CDKN2B: variants seen among roughly 807,000 people sequenced by gnomAD.
CDKN2B encodes cyclin-dependent kinase 4 inhibitor B.
A neutral mutation model predicts 7.7 loss-of-function variants in CDKN2B; 8 were observed. The observed-to-expected ratio is 1.04, with a 90% confidence interval of 0.61 to 1.87. The LOEUF is 1.87. Among genes scored for constraint, CDKN2B ranks in the 40% most tolerant of loss-of-function variants. CDKN2B has a pLI of 0.00. For synonymous variants in CDKN2B, 93 were observed against 95.8 expected (o/e 0.97, Z 0.17); for missense variants, 244 against 213.1 (o/e 1.15, Z -0.90).
In CDKN2B at chr9:22,005,112, ATG is replaced by A. The variant is rs3028393; in HGVS notation, c.*873_*874del. 0.092 allele frequency: 20,613 copies of A among 224,096 alleles called. 650 individuals are homozygous for A. The highest frequency in any genetic ancestry group is 0.11 in the Middle Eastern group (85 of 770). The allele number at this position is 224,096 out of a possible 1,614,324, so 13.9% of individuals were successfully genotyped here. A position where few individuals can be genotyped will look rare whatever the true frequency, so the allele number is the denominator to read the frequency against. On this transcript the variant is annotated 3_prime_UTR_variant, in exon 2 of 2. Coordinates refer to ENST00000276925, the MANE Select transcript of CDKN2B (RefSeq NM_004936.4). The surrounding 1 kb of genome is among the most constrained non-coding windows in gnomAD (Gnocchi z 4.9). The stretch of plus-strand genomic sequence containing the variant: ...CATAAGGGGATTTCCGCATCCTAGC[ATG>A]TGTGTGTGTGTGTGTGTGTGTGTGT...
chr9:22,005,112 A>G lies in CDKN2B; in HGVS notation c.*875T>C, dbSNP rs906995153. On this transcript the variant is annotated 3_prime_UTR_variant, in exon 2 of 2. Coordinates refer to ENST00000276925, the MANE Select transcript of CDKN2B (RefSeq NM_004936.4). This position sits in a 1 kb window ranked among gnomAD's most constrained non-coding sequence, Gnocchi z 4.9. ...CATAAGGGGATTTCCGCATCCTAGCATGTGTGTGTGTGTGTGTGTGTGTGT... is the reference window on the plus strand; with the variant it reads ...CATAAGGGGATTTCCGCATCCTAGCGTGTGTGTGTGTGTGTGTGTGTGTGT... 52 of 225,488 alleles carry G rather than the reference A, an allele frequency of 2.3e-4. No homozygotes were observed. The highest frequency in any genetic ancestry group is 8.1e-4 in the Admixed American group (14 of 17,290). The allele number at this position is 225,488 out of a possible 1,614,324, so 14.0% of individuals were successfully genotyped here. A position where few individuals can be genotyped will look rare whatever the true frequency, so the allele number is the denominator to read the frequency against.
intron 1 of CDKN2B, among the ~76,000 whole-genome samples, chr9:22,007,175 C>T (rs1310773527): frequency 1.3e-5 from 2 of 152,102 alleles, no homozygotes; most frequent in Non-Finnish European, 2.9e-5. Flanking sequence ...GCCTGGCCAA[C>T]ATGGTGAAAT....
In CDKN2B at chr9:22,006,323, G is replaced by C; in HGVS notation, c.157-76C>G. 6.3e-7 allele frequency: 1 copy of C among 1,583,126 alleles called. No homozygotes were observed. Among genetic ancestry groups the C allele is most frequent in the South Asian group, 1.1e-5 (1 of 89,428 alleles). ...GATGCCGGCCGGGGCAAGGCAGGTG[G>C]AGCCATTTAAAGAAACACCTAATTG... On this transcript the variant is annotated intron_variant, in intron 1 of 1. Coordinates refer to ENST00000276925, the MANE Select transcript of CDKN2B (RefSeq NM_004936.4). This position sits in a 1 kb window ranked among gnomAD's most constrained non-coding sequence, Gnocchi z 6.4.
rs1383449508 is a variant in CDKN2B, at chr9:22,003,559, C to G, written c.*2428G>C. ...CAAATGGGAGATTTTAAAGTATCAA[C>G]TGACTTCTTTTATATAGAATGTTTT... On this transcript the variant is annotated 3_prime_UTR_variant, in exon 2 of 2. Coordinates refer to ENST00000276925, the MANE Select transcript of CDKN2B (RefSeq NM_004936.4). 1 of 228,958 alleles carries G rather than the reference C, an allele frequency of 4.4e-6. No individual in the cohort carries two copies. Among genetic ancestry groups the G allele is most frequent in the East Asian group, 6.3e-5 (1 of 15,856 alleles). 14.2% of individuals were successfully genotyped at this position (228,958 alleles called of 1,614,324 possible). A position where few individuals can be genotyped will look rare whatever the true frequency, so the allele number is the denominator to read the frequency against.
rs372284765 is a variant in CDKN2B at position 22,006,061 on chromosome 9, G to A, written c.343C>T (p.Leu115=). Residue 115 remains leucine, a synonymous_variant, in exon 2 of 2, where the codon CTG becomes TTG. Transcript: ENST00000276925. The surrounding 1 kb of genome is among the most constrained non-coding windows in gnomAD (Gnocchi z 6.4). Reference sequence around the variant, plus strand: ...CGCTCCTCGGCCAAGTCCACGGGCAGACGACCCCAGGCATCGCGCACGTCC... The same window carrying A: ...CGCTCCTCGGCCAAGTCCACGGGCAAACGACCCCAGGCATCGCGCACGTCC... ...RLDVRDAWGR[L]PVDLAEERGH... The A allele has an allele frequency of 1.3e-5, 21 of 1,606,034 alleles. No homozygotes were observed. Among genetic ancestry groups the A allele is most frequent in the Middle Eastern group, 3.4e-4 (2 of 5,946 alleles).
Position 22,005,967 on chromosome 9 carries a change from G to C in CDKN2B, c.*20C>G. 6.3e-7 allele frequency: 1 copy of C among 1,599,628 alleles called. No individual in the cohort carries two copies. The highest frequency in any genetic ancestry group is 1.1e-5 in the South Asian group (1 of 90,814). On this transcript the variant is annotated 3_prime_UTR_variant, in exon 2 of 2. Transcript: ENST00000276925. This position sits in a 1 kb window ranked among gnomAD's most constrained non-coding sequence, Gnocchi z 4.9. ...TGGGTAAGAAAATAAAGTCGTTGTGGGCGGCTGGGGAACCTGGCGTCAGTC... is the reference window on the plus strand; with the variant it reads ...TGGGTAAGAAAATAAAGTCGTTGTGCGCGGCTGGGGAACCTGGCGTCAGTC...
In CDKN2B at chr9:22,005,202, T is replaced by C. The variant is rs948261362; in HGVS notation, c.*785A>G. On this transcript the variant is annotated 3_prime_UTR_variant, in exon 2 of 2. Coordinates refer to ENST00000276925, the MANE Select transcript of CDKN2B (RefSeq NM_004936.4). The surrounding 1 kb of genome is among the most constrained non-coding windows in gnomAD (Gnocchi z 4.9). ...CTCACTCCACTCCACCACCTCATCC[T>C]GTGTAGTCTGCCTGCGGAACCCGCG... 1.7e-5 allele frequency: 4 copies of C among 233,770 alleles called. No individual in the cohort carries two copies. The highest frequency in any genetic ancestry group is 3.4e-5 in the Non-Finnish European group (4 of 118,570). The allele number at this position is 233,770 out of a possible 1,614,324, so 14.5% of individuals were successfully genotyped here. A position where few individuals can be genotyped will look rare whatever the true frequency, so the allele number is the denominator to read the frequency against.
rs764199965 is a variant in CDKN2B at position 22,006,224 on chromosome 9, G to T, written c.180C>A (p.Arg60=). The T allele has an allele frequency of 5.0e-6, 8 of 1,606,654 alleles. No homozygotes were observed. In the African/African-American group the frequency reaches 5.3e-5, roughly 11 times the overall value. ...CGTGGAGCAGCAGCAGCTCCGCCACGCGGGCGCTGCCCATCATCATGACCT... is the reference window on the plus strand; with the variant it reads ...CGTGGAGCAGCAGCAGCTCCGCCACTCGGGCGCTGCCCATCATCATGACCT... ...AIQVMMMGSA[R]VAELLLLHGA... Residue 60 remains arginine, a synonymous_variant, in exon 2 of 2, where the codon CGC becomes CGA. Transcript: ENST00000276925. This position sits in a 1 kb window ranked among gnomAD's most constrained non-coding sequence, Gnocchi z 6.4.
rs768154528 is a variant in CDKN2B, at chr9:22,006,210, A to T, written c.194T>A (p.Leu65Gln). ...MMGSARVAEL[L>Q]LLHGAEPNCA... ...GTTGGGCTCCGCGCCGTGGAGCAGC[A>T]GCAGCTCCGCCACGCGGGCGCTGCC... Residue 65 changes from leucine (L) to glutamine (Q), a missense_variant, in exon 2 of 2, where the codon CTG (leucine) becomes CAG (glutamine). Transcript: ENST00000276925. This position sits in a 1 kb window ranked among gnomAD's most constrained non-coding sequence, Gnocchi z 6.4. The T allele has an allele frequency of 6.2e-7, 1 of 1,608,348 alleles. No individual in the cohort carries two copies. Among genetic ancestry groups the T allele is most frequent in the African/African-American group, 1.3e-5 (1 of 75,070 alleles).
intron 1 of CDKN2B, 102 bp downstream of exon 1, chr9:22,008,696 G>C: frequency 2.5e-6 from 4 of 1,611,096 alleles, no homozygotes; most frequent in Non-Finnish European, 3.4e-6. Context: ...GGAGACTCCT[G>C]TACAAATCTA....
rs1282063743 is a variant in CDKN2B, at chr9:22,005,661, C to A, written c.*326G>T. 4.1e-6 allele frequency: 2 copies of A among 484,556 alleles called. No individual in the cohort carries two copies. The highest frequency in any genetic ancestry group is 4.3e-5 in the South Asian group (2 of 46,446). The allele number at this position is 484,556 out of a possible 1,614,324, so 30.0% of individuals were successfully genotyped here. A position where few individuals can be genotyped will look rare whatever the true frequency, so the allele number is the denominator to read the frequency against. ...ATCGGAAGATTCGTAGCCACCAGGTCCAGTCAAGGATTTCATATGCACTTT... is the reference window on the plus strand; with the variant it reads ...ATCGGAAGATTCGTAGCCACCAGGTACAGTCAAGGATTTCATATGCACTTT... On this transcript the variant is annotated 3_prime_UTR_variant, in exon 2 of 2. Transcript: ENST00000276925. The surrounding 1 kb of genome is among the most constrained non-coding windows in gnomAD (Gnocchi z 4.9).
Position 22,006,408 on chromosome 9 carries a change from G to T in CDKN2B, c.157-161C>A. The T allele has an allele frequency of 1.0e-6, 1 of 979,546 alleles. No individual in the cohort carries two copies. The allele number at this position is 979,546 out of a possible 1,614,324, so 60.7% of individuals were successfully genotyped here. On this transcript the variant is annotated intron_variant, in intron 1 of 1. Transcript: ENST00000276925. This position sits in a 1 kb window ranked among gnomAD's most constrained non-coding sequence, Gnocchi z 6.4. ...TCTGATGTCTGGTGTTTCTTCATTT[G>T]CTGATGCAATCCACTTTCCCACCCC...
chr9:22,006,865 T>C lies in CDKN2B; in HGVS notation c.157-618A>G, dbSNP rs1010516386. ...TGTAGTGTGATAATTTGAGCCAAAG[T>C]TGGAGATTAGAAGGGAAAAGTAAAT... On this transcript the variant is annotated intron_variant, in intron 1 of 1. Transcript: ENST00000276925. This position sits in a 1 kb window ranked among gnomAD's most constrained non-coding sequence, Gnocchi z 6.4. Among the ~76,000 whole-genome samples the C allele has an allele frequency of 5.3e-5, 8 of 152,068 alleles. No individual in the cohort carries two copies. Among genetic ancestry groups the C allele is most frequent in the African/African-American group, 1.9e-4 (8 of 41,396 alleles).
chr9:22,003,734 G>C lies in CDKN2B; in HGVS notation c.*2253C>G, dbSNP rs1162174170. The C allele has an allele frequency of 4.3e-6, 1 of 231,574 alleles. No homozygotes were observed. The highest frequency in any genetic ancestry group is 6.1e-5 in the East Asian group (1 of 16,318). 14.3% of individuals were successfully genotyped at this position (231,574 alleles called of 1,614,324 possible). A position where few individuals can be genotyped will look rare whatever the true frequency, so the allele number is the denominator to read the frequency against. ...CATTATCTTTGTTCCAAAAATTTGG[G>C]TTTTTATAGGTGTGTTGGGGGGGGT... On this transcript the variant is annotated 3_prime_UTR_variant, in exon 2 of 2. Transcript: ENST00000276925.
At chr9:22,008,615 C>T in intron 1 of CDKN2B, 183 bp downstream of exon 1, 4 of 1,552,308 alleles carry the variant, frequency 2.6e-6, no homozygotes, top group Non-Finnish European at 3.5e-6. Context: ...GTGGGTTTTT[C>T]AATGTCTCTC....
rs1821122365 is a variant in CDKN2B, at chr9:22,005,405, A to C, written c.*582T>G. The C allele has an allele frequency of 4.1e-6, 1 of 246,216 alleles. No homozygotes were observed. Among genetic ancestry groups the C allele is most frequent in the Non-Finnish European group, 7.9e-6 (1 of 125,870 alleles). 15.3% of individuals were successfully genotyped at this position (246,216 alleles called of 1,614,324 possible). A position where few individuals can be genotyped will look rare whatever the true frequency, so the allele number is the denominator to read the frequency against. ...GGCTTCCAGAGAGTGTCGTTTACGCATGTGACTTGCCATGCGCTCAAACTA... is the reference window on the plus strand; with the variant it reads ...GGCTTCCAGAGAGTGTCGTTTACGCCTGTGACTTGCCATGCGCTCAAACTA... On this transcript the variant is annotated 3_prime_UTR_variant, in exon 2 of 2. Transcript: ENST00000276925. This position sits in a 1 kb window ranked among gnomAD's most constrained non-coding sequence, Gnocchi z 4.9.
intron 1 of CDKN2B, 89 bp downstream of exon 1, chr9:22,008,709 T>C (rs1248350479): frequency 1.2e-6 from 2 of 1,611,416 alleles, no homozygotes; most frequent in Non-Finnish European, 1.7e-6. Context: ...CAAATCTACA[T>C]CGGCGATCTA....
Position 22,006,082 on chromosome 9 carries a change from C to T in CDKN2B, c.322G>A (p.Val108Met), listed in dbSNP as rs202221094. 9.3e-6 allele frequency: 15 copies of T among 1,607,356 alleles called. No homozygotes were observed. The African/African-American group carries it at 1.5e-4, about 16-fold the overall frequency. ...VLHRAGARLD[V>M]RDAWGRLPVD... is the part of the protein sequence containing the mutation. ...GGCAGACGACCCCAGGCATCGCGCACGTCCAGCCGCGCCCCGGCCCGGTGC... is the reference window on the plus strand; with the variant it reads ...GGCAGACGACCCCAGGCATCGCGCATGTCCAGCCGCGCCCCGGCCCGGTGC... Residue 108 changes from valine to methionine, a missense_variant, in exon 2 of 2, where the codon GTG (valine) becomes ATG (methionine). Coordinates refer to ENST00000276925, the MANE Select transcript of CDKN2B (RefSeq NM_004936.4). The surrounding 1 kb of genome is among the most constrained non-coding windows in gnomAD (Gnocchi z 6.4).
In CDKN2B at chr9:22,006,186, T is replaced by C. The variant is rs757266462; in HGVS notation, c.218A>G (p.Asn73Ser). The change falls in exon 2 of 2, where the codon AAC becomes AGC. Residue 73 changes from asparagine (N) to serine (S), a missense_variant. Asn to Ser is a conservative substitution (Grantham distance 46, BLOSUM62 1). Transcript: ENST00000276925. This position sits in a 1 kb window ranked among gnomAD's most constrained non-coding sequence, Gnocchi z 6.4. ...GGTGAGAGTGGCAGGGTCTGCGCAG[T>C]TGGGCTCCGCGCCGTGGAGCAGCAG... is the stretch of plus-strand genomic sequence containing the variant. ...ELLLLHGAEP[N>S]CADPATLTRP... 7.5e-6 allele frequency: 12 copies of C among 1,609,466 alleles called. No individual in the cohort carries two copies. The highest frequency in any genetic ancestry group is 3.3e-5 in the Admixed American group (2 of 59,988).
Sources: allele counts gnomAD v4.1 joint callset (sites outside exome capture counted in the v4.1 genomes callset), GRCh38; gene constraint gnomAD v4.1.1; non-coding constraint Gnocchi (gnomAD v3.1); transcripts MANE v1.5; gene names NCBI Gene and HGNC (gene_info 2026-07-23, HGNC 2026-07-21).